EML6: variants seen among roughly 807,000 people sequenced by gnomAD.
The protein encoded by EML6 is echinoderm microtubule-associated protein-like 6.
A neutral mutation model predicts 240.1 loss-of-function variants in EML6; 154 were observed. The observed-to-expected ratio is 0.64, with a 90% CI of 0.56 to 0.73. The LOEUF is 0.73. Among genes scored for constraint, EML6 ranks in the 30% least tolerant of loss-of-function variants. The pLI is 0.00. For missense variants in EML6, 2,964 were observed against 2,474.6 expected (o/e 1.20, Z -4.20); for synonymous variants, 1,148 against 899.0 (o/e 1.28, Z -4.95).
chr2:54,870,636 G>A (rs1326286764), intron 15 of EML6, among the ~76,000 whole-genome samples: 5 of 151,956 alleles, frequency 3.3e-5, no homozygotes, highest in African/African-American at 1.2e-4. Flanking sequence ...ATAAACAGAT[G>A]GTGCTTGATT....
chr2:54,858,695 G>A (rs1329929199), intron 11 of EML6, among the ~76,000 whole-genome samples: 2 of 152,202 alleles, frequency 1.3e-5, no homozygotes, highest in African/African-American at 2.4e-5. Context: ...CTCAAAAAAT[G>A]TATGAGCATG....
At chr2:54,805,879 G>T (rs150502140) in intron 2 of EML6, among the ~76,000 whole-genome samples, 47 of 152,172 alleles carry the variant, frequency 3.1e-4, no homozygotes, top group African/African-American at 1.0e-3. Context: ...ATACCTAGTT[G>T]TTCCAGCACT....
intron 5 of EML6, among the ~76,000 whole-genome samples, chr2:54,823,878 T>TCTCTCTCTCTCTCTCTCTG (rs60937620): frequency 1.5e-5 from 2 of 129,124 alleles, no homozygotes; most frequent in African/African-American, 6.8e-5. Flanking sequence ...CTCTCTCTCT[T>TCTCTCTCTCTCTCTCTCTG]TCTGTCTCTC....
At chr2:54,945,564 C>A (rs1473373966) in intron 28 of EML6, among the ~76,000 whole-genome samples, 1 of 152,138 alleles carries the variant, frequency 6.6e-6, no homozygotes, top group East Asian at 1.9e-4. Context: ...AGCCTCACTC[C>A]CCAGTTGGCT....
chr2:54,844,769 T>G (rs372770577), intron 8 of EML6, among the ~76,000 whole-genome samples: 1 of 152,236 alleles, frequency 6.6e-6, no homozygotes, highest in South Asian at 2.1e-4. Flanking sequence ...GAAAGTAGTT[T>G]ACTCGGAGCC....
chr2:54,946,536 T>G (rs2104467547), intron 28 of EML6, among the ~76,000 whole-genome samples: 1 of 152,328 alleles, frequency 6.6e-6, no homozygotes, highest in South Asian at 2.1e-4. Context: ...AAACCTCCAG[T>G]GTTTGGCTAC....
intron 25 of EML6, among the ~76,000 whole-genome samples, chr2:54,913,736 C>T (rs1273872670): frequency 2.0e-5 from 3 of 152,166 alleles, no homozygotes; most frequent in South Asian, 2.1e-4. Flanking sequence ...TTTCCCAAGG[C>T]CAATGTCCAG....
intron 2 of EML6, among the ~76,000 whole-genome samples, chr2:54,744,611 G>T (rs1683815002): frequency 6.6e-6 from 1 of 151,946 alleles, no homozygotes; most frequent in Non-Finnish European, 1.5e-5. Context: ...CAGTGGAGAG[G>T]CAAAGGGGGC....
At chr2:54,816,738 T>G in intron 3 of EML6, 49 bp from the exon 4 acceptor site, 1 of 1,324,816 alleles carries the variant, frequency 7.5e-7, no homozygotes, top group African/African-American at 1.5e-5. Flanking sequence ...AACGTGTCAG[T>G]AAGTCTTCCC....
intron 32 of EML6, among the ~76,000 whole-genome samples, chr2:54,954,944 G>C (rs1450995118): frequency 6.6e-6 from 1 of 152,196 alleles, no homozygotes; most frequent in African/African-American, 2.4e-5. Context: ...GGGCTCTGGA[G>C]TCCCATTATC....
chr2:54,864,163 A>G (rs1000071381), intron 13 of EML6, among the ~76,000 whole-genome samples: 11 of 152,216 alleles, frequency 7.2e-5, no homozygotes, highest in African/African-American at 2.7e-4. Context: ...CTAAAACTTT[A>G]AAATATATTT....
At position 54,862,618 on chromosome 2, in the gene EML6, G is replaced by A. The variant is rs111763697; in HGVS notation, c.1826-1165G>A. Among the ~76,000 whole-genome samples the A allele has an allele frequency of 6.7e-3, 1,025 of 152,206 alleles. 4 individuals are homozygous for A. The highest frequency in any genetic ancestry group is 0.014 in the South Asian group (68 of 4,816). ...AGAAAACATGTTCAAGGAAATAATG[G>A]CAGAAAAATTCCCAAGCCTAGGAAA... On this transcript the variant is annotated intron_variant, in intron 12 of 41. Transcript: ENST00000356458.
At chr2:54,788,144 A>T (rs13005723) in intron 2 of EML6, among the ~76,000 whole-genome samples, 31,809 of 152,142 alleles carry the variant, frequency 0.21, 3,708 homozygotes, top group Middle Eastern at 0.31. Flanking sequence ...CGTGGACCTT[A>T]ATAAAGGCTT....
intron 7 of EML6, among the ~76,000 whole-genome samples, chr2:54,839,917 T>G (rs1465673): frequency 0.39 from 59,713 of 152,112 alleles, 13,549 homozygotes; most frequent in East Asian, 0.58. Flanking sequence ...TAGATATATA[T>G]TTAATGTCGA....
chr2:54,778,731 A>C (rs1161503736), intron 2 of EML6, among the ~76,000 whole-genome samples: 4 of 151,858 alleles, frequency 2.6e-5, no homozygotes, highest in Admixed American at 2.6e-4. Context: ...TACTAAAAAA[A>C]TACAAAAAAA....
intron 2 of EML6, among the ~76,000 whole-genome samples, chr2:54,744,920 A>G (rs1335234591): frequency 1.4e-5 from 1 of 71,964 alleles, no homozygotes; most frequent in African/African-American, 5.2e-5. Flanking sequence ...ACACACACAC[A>G]CACACACACA....
intron 39 of EML6, among the ~76,000 whole-genome samples, chr2:54,967,432 G>T (rs545272314): frequency 2.3e-4 from 35 of 152,312 alleles, no homozygotes; most frequent in Non-Finnish European, 4.4e-4. Flanking sequence ...CTAGGGGAAG[G>T]GAGTGGGAGG....
chr2:54,920,241 G>A (rs1028324816), intron 26 of EML6, among the ~76,000 whole-genome samples: 3 of 151,916 alleles, frequency 2.0e-5, no homozygotes, highest in Non-Finnish European at 2.9e-5. Flanking sequence ...ACTAAGAGTT[G>A]GTGTTTTTGA....
At chr2:54,823,064 C>T (rs956220824) in intron 5 of EML6, among the ~76,000 whole-genome samples, 1 of 152,156 alleles carries the variant, frequency 6.6e-6, no homozygotes, top group Non-Finnish European at 1.5e-5. Context: ...AGACCAAAAA[C>T]TCATTCAGTT....
Sources: allele counts gnomAD v4.1 joint callset (sites outside exome capture counted in the v4.1 genomes callset), GRCh38; gene constraint gnomAD v4.1.1; transcripts MANE v1.5; gene names NCBI Gene and HGNC (gene_info 2026-07-23, HGNC 2026-07-21).